Variants in DRAM2 observed in about 807,000 individuals in gnomAD.
DRAM2 encodes the protein DNA damage-regulated autophagy modulator protein 2.
In DRAM2, 26 loss-of-function variants were observed where a neutral mutation model predicts 33.5. The ratio of observed to expected loss-of-function variants is 0.78; its 90% CI spans 0.57 to 1.08. The LOEUF (loss-of-function observed/expected upper bound fraction) is 1.08, where lower values mean the gene tolerates loss of function less well. Among genes scored for constraint, DRAM2 ranks in the 50% least tolerant of loss-of-function variants. DRAM2 has a pLI of 0.00. For synonymous variants in DRAM2, 98 were observed against 109.5 expected (o/e 0.89, Z 0.66); for missense variants, 311 against 318.1 (o/e 0.98, Z 0.17).
intron 6 of DRAM2, among the ~76,000 whole-genome samples, chr1:111,123,072 C>G (rs1448530148): frequency 6.6e-6 from 1 of 152,014 alleles, no homozygotes; most frequent in Non-Finnish European, 1.5e-5. Flanking sequence ...GTTAAATTGA[C>G]CAAGAGACAG....
At position 111,129,773 on chromosome 1, in the gene DRAM2, A is replaced by T. The variant is rs147148265; in HGVS notation, c.131+1651T>A. ...GGAAGAATAAGTAAGCAATTTCTTT[A>T]TCAACATCCTATCACTTTTTATAAA... On this transcript the variant is annotated intron_variant, in intron 4 of 9. Coordinates refer to ENST00000484310, the MANE Select transcript of DRAM2 (RefSeq NM_001349884.2). 3.9e-5 allele frequency among the ~76,000 whole-genome samples: 6 copies of T among 152,302 alleles called. No homozygotes were observed. The East Asian group carries it at 1.2e-3, about 29-fold the overall frequency.
At chr1:111,137,473 G>C (rs566369889) in intron 3 of DRAM2, 50 bp downstream of exon 3, 47 of 152,226 alleles carry the variant, frequency 3.1e-4, no homozygotes, top group African/African-American at 1.0e-3. Flanking sequence ...CTTATTTTCA[G>C]AGATGATCAG....
At chr1:111,123,004 G>T (rs1650324316) in intron 6 of DRAM2, among the ~76,000 whole-genome samples, 1 of 152,140 alleles carries the variant, frequency 6.6e-6, no homozygotes, top group East Asian at 1.9e-4. Context: ...GGAATTTGCT[G>T]GGCTGTGTAA....
rs1328620448 is a variant in DRAM2 at position 111,131,498 on chromosome 1, T to C, written c.57A>G (p.Thr19=). 6.2e-7 allele frequency: 1 copy of C among 1,614,160 alleles called. No individual in the cohort carries two copies. Residue 19 remains threonine, a synonymous_variant, in exon 4 of 10, where the codon ACA becomes ACG. Transcript: ENST00000484310. The part of the protein sequence containing the change: ...SFLPSALVIW[T]SAAFIFSYIT... ...TGTATGAAAATATGAAAGCAGCAGA[T>C]GTCCAAATTACAAGGGCTGAAGGAA...
intron 9 of DRAM2, 49 bp downstream of exon 9, chr1:111,118,756 C>T: frequency 6.9e-7 from 1 of 1,447,914 alleles, no homozygotes. Context: ...CCTTCCTGGA[C>T]TAAGAGAAGG....
intron 5 of DRAM2, 125 bp from the exon 6 acceptor site, chr1:111,125,006 G>T: frequency 3.7e-6 from 3 of 810,188 alleles, no homozygotes; most frequent in Non-Finnish European, 5.4e-6. Context: ...ATTAATCAGA[G>T]AGAATAAAAA....
chr1:111,138,244 CA>C (rs1336587911), intron 2 of DRAM2, among the ~76,000 whole-genome samples: 2 of 152,122 alleles, frequency 1.3e-5, no homozygotes, highest in African/African-American at 4.8e-5. Flanking sequence ...TTTAAACTGA[CA>C]GTTTATAGAA....
intron 3 of DRAM2, among the ~76,000 whole-genome samples, chr1:111,132,256 T>G (rs1227744597): frequency 6.6e-6 from 1 of 152,076 alleles, no homozygotes; most frequent in Non-Finnish European, 1.5e-5. Flanking sequence ...CATGCGGAGG[T>G]TCCTGAAGGA....
At chr1:111,123,255 C>T (rs915513608) in intron 6 of DRAM2, among the ~76,000 whole-genome samples, 2 of 152,100 alleles carry the variant, frequency 1.3e-5, no homozygotes, top group Admixed American at 6.6e-5. Flanking sequence ...TAATGTCCAG[C>T]AAAACTAAAT....
At chr1:111,120,422 C>CAA in intron 7 of DRAM2, 94 bp downstream of exon 7, 2 of 172,852 alleles carry the variant, frequency 1.2e-5, no homozygotes, top group Admixed American at 9.9e-5. Context: ...AAAAAAAAGA[C>CAA]AAAAAGGCTT....
At chr1:111,120,050 T>C (rs1368650680) in intron 7 of DRAM2, 91 bp from the exon 8 acceptor site, 2 of 1,130,676 alleles carry the variant, frequency 1.8e-6, no homozygotes, top group Non-Finnish European at 2.6e-6. Flanking sequence ...CACACATTTA[T>C]TGCTAAGGTC....
Position 111,131,509 on chromosome 1 carries a change from C to T in DRAM2, c.46G>A (p.Val16Ile). Residue 16 changes from valine (V) to isoleucine (I), a missense_variant, in exon 4 of 10, where the codon GTA (valine) becomes ATA (isoleucine). Coordinates refer to ENST00000484310, the MANE Select transcript of DRAM2 (RefSeq NM_001349884.2). Reference sequence around the variant, plus strand: ...ATGAAAGCAGCAGATGTCCAAATTACAAGGGCTGAAGGAAGGAAACTGAGG... The same window carrying T: ...ATGAAAGCAGCAGATGTCCAAATTATAAGGGCTGAAGGAAGGAAACTGAGG... ...QGLSFLPSAL[V>I]IWTSAAFIFS... is the part of the protein sequence containing the mutation. 2 of 1,614,180 alleles carry T rather than the reference C, an allele frequency of 1.2e-6. No homozygotes were observed. The highest frequency in any genetic ancestry group is 2.2e-5 in the East Asian group (1 of 44,886).
chr1:111,120,381 CAAAAAAAAAAAAAAAAAA>C lies in DRAM2; in HGVS notation c.517+117_517+134del, dbSNP rs200318036. 5.2e-3 allele frequency: 896 copies of C among 173,178 alleles called. 17 individuals are homozygous for C. The highest frequency in any genetic ancestry group is 6.8e-3 in the Non-Finnish European group (728 of 106,898). The allele number at this position is 173,178 out of a possible 1,614,324, so 10.7% of individuals were successfully genotyped here. On this transcript the variant is annotated intron_variant, in intron 7 of 9. Coordinates refer to ENST00000484310, the MANE Select transcript of DRAM2 (RefSeq NM_001349884.2). ...ATTGTGAACCTAAGAATCTCTCCTA[CAAAAAAAAAAAAAAAAAA>C]AAAAAAAAAAAAAAAAAAAAGACAA... is the stretch of plus-strand genomic sequence containing the variant.
Position 111,120,381 on chromosome 1 carries a change from C to CAAAAAAA in DRAM2, c.517+128_517+134dup. On this transcript the variant is annotated intron_variant, in intron 7 of 9. Coordinates refer to ENST00000484310, the MANE Select transcript of DRAM2 (RefSeq NM_001349884.2). ...ATTGTGAACCTAAGAATCTCTCCTACAAAAAAAAAAAAAAAAAAAAAAAAA... is the reference window on the plus strand; with the variant it reads ...ATTGTGAACCTAAGAATCTCTCCTACAAAAAAAAAAAAAAAAAAAAAAAAAAAAAAAA... 9.3e-4 allele frequency: 161 copies of CAAAAAAA among 173,214 alleles called. 9 individuals carry two copies. The highest frequency in any genetic ancestry group is 1.1e-3 in the Non-Finnish European group (120 of 106,924). The allele number at this position is 173,214 out of a possible 1,614,324, so 10.7% of individuals were successfully genotyped here.
At position 111,124,962 on chromosome 1, in the gene DRAM2, A is replaced by G. The variant is rs1650717648; in HGVS notation, c.200-81T>C. The G allele has an allele frequency of 1.0e-5, 12 of 1,186,394 alleles. No individual in the cohort carries two copies. The South Asian group carries it at 1.2e-4, about 12-fold the overall frequency. The allele number at this position is 1,186,394 out of a possible 1,614,324, so 73.5% of individuals were successfully genotyped here. A position where few individuals can be genotyped will look rare whatever the true frequency, so the allele number is the denominator to read the frequency against. On this transcript the variant is annotated intron_variant, in intron 5 of 9. Coordinates refer to ENST00000484310, the MANE Select transcript of DRAM2 (RefSeq NM_001349884.2). Reference sequence around the variant, plus strand: ...TGCCAATGAAGAGTTCACAAAGGTCACTGCTATCCAGAATCACAGATTTTC... The same window carrying G: ...TGCCAATGAAGAGTTCACAAAGGTCGCTGCTATCCAGAATCACAGATTTTC...
At chr1:111,138,348 T>C (rs748755557) in intron 2 of DRAM2, among the ~76,000 whole-genome samples, 2 of 152,272 alleles carry the variant, frequency 1.3e-5, no homozygotes, top group Non-Finnish European at 2.9e-5. Context: ...CAATGTGTTT[T>C]TGCCTTTGAA....
chr1:111,127,766 G>T (rs142068818), intron 4 of DRAM2, among the ~76,000 whole-genome samples: 1 of 152,164 alleles, frequency 6.6e-6, no homozygotes, highest in Non-Finnish European at 1.5e-5. Flanking sequence ...TTTGGCTCAG[G>T]AGAGAATGAC....
intron 3 of DRAM2, 120 bp downstream of exon 3, chr1:111,137,403 G>A (rs141857479): frequency 2.6e-5 from 4 of 152,162 alleles, no homozygotes; most frequent in African/African-American, 7.2e-5. Flanking sequence ...AGTATTATCT[G>A]TTAAATAGTA....
intron 3 of DRAM2, among the ~76,000 whole-genome samples, chr1:111,134,894 C>T (rs1652860129): frequency 6.6e-6 from 1 of 151,958 alleles, no homozygotes; most frequent in East Asian, 1.9e-4. Flanking sequence ...CATTACCAAC[C>T]CGGGCCAACT....
Sources: gnomAD v4.1 joint callset for allele counts (sites outside exome capture counted in the v4.1 genomes callset) on GRCh38, gnomAD v4.1.1 for gene constraint, MANE v1.5 for transcripts, NCBI Gene and HGNC (gene_info 2026-07-23, HGNC 2026-07-21) for gene names.